Variants in METRNL observed in about 807,000 individuals in gnomAD.
METRNL encodes the protein meteorin like, glial cell differentiation regulator.
A neutral mutation model predicts 17.4 loss-of-function variants in METRNL; 9 were observed. That is an observed-to-expected ratio of 0.52 (90% CI 0.31 to 0.90). The LOEUF is 0.90. Ranked by LOEUF, METRNL falls within the 40% of genes least tolerant of loss-of-function variation. The pLI is 0.05. For synonymous variants in METRNL, 215 were observed against 199.3 expected (o/e 1.08, Z -0.66); for missense variants, 408 against 430.7 (o/e 0.95, Z 0.47).
chr17:83,084,194 AC>A (rs2038021511), intron 1 of METRNL: 1 of 152,222 alleles, frequency 6.6e-6, no homozygotes, highest in African/African-American at 2.4e-5. Context: ...ATTTACAAAT[AC>A]CGTCGGCAGT....
Position 83,092,871 on chromosome 17 carries a change from G to A in METRNL, c.557-296G>A, listed in dbSNP as rs528468009. ...TGGCCGGACTGAGGGTCTTGCTCTC[G>A]GACATGTGCCCATCATGGCCGAGGT... On this transcript the variant is annotated intron_variant, in intron 2 of 3. Coordinates refer to ENST00000320095, the MANE Select transcript of METRNL (RefSeq NM_001004431.3). Among the ~76,000 whole-genome samples the A allele has an allele frequency of 1.3e-4, 20 of 152,284 alleles. No homozygotes were observed. The South Asian group carries it at 4.1e-3, about 32-fold the overall frequency.
chr17:83,082,160 C>A, intron 1 of METRNL: 1 of 985,426 alleles, frequency 1.0e-6, no homozygotes, highest in African/African-American at 1.7e-5. Context: ...TAAATGTGGA[C>A]CATGAACTTT....
chr17:83,086,679 G>A (rs1030624282), intron 2 of METRNL, among the ~76,000 whole-genome samples: 1 of 152,214 alleles, frequency 6.6e-6, no homozygotes. Context: ...TCTTGAAGAC[G>A]TTGGGCTGCG....
chr17:83,083,272 C>G (rs2038010708), intron 1 of METRNL, among the ~76,000 whole-genome samples: 1 of 152,216 alleles, frequency 6.6e-6, no homozygotes, highest in South Asian at 2.1e-4. Flanking sequence ...CAGAGGTGAC[C>G]AGAGCCCGCT....
intron 2 of METRNL, among the ~76,000 whole-genome samples, chr17:83,090,622 C>G (rs552903502): frequency 6.7e-6 from 1 of 150,056 alleles, no homozygotes; most frequent in East Asian, 2.0e-4. Flanking sequence ...CCATGGCTGC[C>G]CAGCCGGAGG....
chr17:83,080,819 G>C (rs1412357146), intron 1 of METRNL, among the ~76,000 whole-genome samples: 2 of 150,562 alleles, frequency 1.3e-5, no homozygotes, highest in Non-Finnish European at 1.5e-5. Flanking sequence ...AGCCGTGGCC[G>C]GGCTGGCCCG....
chr17:83,093,052 TG>T, intron 2 of METRNL, 114 bp from the exon 3 acceptor site: 2 of 818,552 alleles, frequency 2.4e-6, no homozygotes, highest in Non-Finnish European at 4.0e-6. Context: ...TGCCTTGACG[TG>T]GACACCCTCC....
At chr17:83,091,024 C>T (rs940248758) in intron 2 of METRNL, among the ~76,000 whole-genome samples, 4 of 152,160 alleles carry the variant, frequency 2.6e-5, no homozygotes, top group Non-Finnish European at 4.4e-5. Context: ...GCGCACCGGG[C>T]GGCTTCCAGC....
chr17:83,080,600 ACT>A (rs1491495613), intron 1 of METRNL, among the ~76,000 whole-genome samples: 70 of 28,074 alleles, frequency 2.5e-3, no homozygotes, highest in Non-Finnish European at 4.0e-3. Context: ...GCGGCCGAGG[ACT>A]TTTTTTTTTT....
At chr17:83,087,721 A>T (rs865911129) in intron 2 of METRNL, among the ~76,000 whole-genome samples, 10 of 152,136 alleles carry the variant, frequency 6.6e-5, no homozygotes, top group African/African-American at 2.4e-4. Flanking sequence ...CCGTTCCTGC[A>T]CTTGCTGTAG....
At position 83,093,245 on chromosome 17, in the gene METRNL, G is replaced by C; in HGVS notation, c.616+19G>C. The C allele has an allele frequency of 1.2e-6, 2 of 1,600,076 alleles. No individual in the cohort carries two copies. The highest frequency in any genetic ancestry group is 2.2e-5 in the South Asian group (2 of 90,870). On this transcript the variant is annotated intron_variant, in intron 3 of 3. Coordinates refer to ENST00000320095, the MANE Select transcript of METRNL (RefSeq NM_001004431.3). The stretch of plus-strand genomic sequence containing the variant: ...GACTTCGGTGAGTGTCTCCTCGGCA[G>C]CTTCTACCTCCTGTGCTCCTGGTTT...
chr17:83,082,286 A>G (rs866746034), intron 1 of METRNL: 3 of 984,612 alleles, frequency 3.0e-6, no homozygotes, highest in South Asian at 4.7e-5. Flanking sequence ...CCTGACTTTC[A>G]TACAGGAGCC....
chr17:83,089,955 G>A (rs1384609379), intron 2 of METRNL, among the ~76,000 whole-genome samples: 6 of 151,828 alleles, frequency 4.0e-5, no homozygotes, highest in Non-Finnish European at 8.8e-5. Context: ...GCCAGGGCGG[G>A]GTACCCAGGG....
At chr17:83,084,235 C>G (rs2038022082) in intron 1 of METRNL, 1 of 152,198 alleles carries the variant, frequency 6.6e-6, no homozygotes, top group Non-Finnish European at 1.5e-5. Flanking sequence ...AGAAAACGGT[C>G]AAGTCATTAC....
intron 3 of METRNL, among the ~76,000 whole-genome samples, chr17:83,093,889 C>T (rs904980710): frequency 1.1e-4 from 17 of 152,308 alleles, no homozygotes; most frequent in African/African-American, 3.4e-4. Flanking sequence ...CCAAGTGTGG[C>T]GCGAAGGCTG....
chr17:83,093,193 G>A lies in METRNL; in HGVS notation c.583G>A (p.Glu195Lys), dbSNP rs1391084531. 5.0e-6 allele frequency: 8 copies of A among 1,608,200 alleles called. No individual in the cohort carries two copies. Among genetic ancestry groups the A allele is most frequent in the South Asian group, 1.1e-5 (1 of 91,084 alleles). ...GCCGTGCCGTCCCTGCAGTGACACC[G>A]AGGTGCTCCTAGCCGTCTGCACCAG... ...SAPCRPCSDT[E>K]VLLAVCTSDF... is the part of the protein sequence containing the mutation. Residue 195 changes from glutamate (E) to lysine (K), a missense_variant, in exon 3 of 4, where the codon GAG becomes AAG. Transcript: ENST00000320095.
intron 2 of METRNL, among the ~76,000 whole-genome samples, chr17:83,087,142 C>T (rs1258414180): frequency 6.6e-6 from 1 of 152,196 alleles, no homozygotes; most frequent in Non-Finnish European, 1.5e-5. Context: ...GGGTCCTGCG[C>T]AGGTCTGTGG....
In METRNL at chr17:83,094,572, C is replaced by A; in HGVS notation, c.933C>A (p.Asp311Glu). 6.8e-7 allele frequency: 1 copy of A among 1,462,466 alleles called. No homozygotes were observed. The highest frequency in any genetic ancestry group is 1.5e-5 in the South Asian group (1 of 68,620). The allele number at this position is 1,462,466 out of a possible 1,614,324, so 90.6% of individuals were successfully genotyped here. ...TGAACCCTTGTGAGGTTGGCACGGA[C>A]TGACTCCGTGGGCCGCTGCCCTTCC... ...RGLNPCEVGT[D>E] The change falls in exon 4 of 4, where the codon GAC becomes GAA. Residue 311 changes from aspartate to glutamate, a missense_variant. Coordinates refer to ENST00000320095, the MANE Select transcript of METRNL (RefSeq NM_001004431.3).
intron 2 of METRNL, among the ~76,000 whole-genome samples, chr17:83,091,373 G>C (rs151160427): frequency 2.6e-5 from 4 of 152,244 alleles, no homozygotes; most frequent in African/African-American, 9.6e-5. Context: ...CCCCTGCCTG[G>C]CGGAAAGTGC....
Sources: gnomAD v4.1 joint callset for allele counts (sites outside exome capture counted in the v4.1 genomes callset) on GRCh38, gnomAD v4.1.1 for gene constraint, MANE v1.5 for transcripts, NCBI Gene and HGNC (gene_info 2026-07-23, HGNC 2026-07-21) for gene names.